The following FAM149B1 variants were observed in gnomAD, a reference collection of about 807,000 sequenced individuals.
The protein encoded by FAM149B1 is primary cilium assembly protein FAM149B1.
Under a neutral mutation model 75.3 loss-of-function variants are expected in FAM149B1, and 56 were observed. The observed-to-expected ratio is 0.74, with a 90% CI of 0.60 to 0.93. The LOEUF (loss-of-function observed/expected upper bound fraction) is 0.93, where lower values mean the gene tolerates loss of function less well. FAM149B1 is among the 40% of genes least tolerant of loss of function. The pLI is 0.00. For synonymous variants in FAM149B1, 259 were observed against 256.1 expected (o/e 1.01, Z -0.11); for missense variants, 639 against 708.4 (o/e 0.90, Z 1.11).
rs544893875 is a variant in FAM149B1, at chr10:73,239,393, G to A, written c.1675+9G>A. On this transcript the variant is annotated intron_variant, in intron 13 of 13. Coordinates refer to ENST00000242505, the MANE Select transcript of FAM149B1 (RefSeq NM_173348.2). ...TGGCAGGGGATCTGCAGGTAAAGGT[G>A]GGGCCATGGCCCTTATTTACTACTG... 7.1e-6 allele frequency: 11 copies of A among 1,550,126 alleles called. No individual in the cohort carries two copies. The African/African-American group carries it at 1.2e-4, about 17-fold the overall frequency.
intron 13 of FAM149B1, among the ~76,000 whole-genome samples, chr10:73,240,575 G>A (rs996836744): frequency 6.6e-6 from 1 of 152,116 alleles, no homozygotes; most frequent in Non-Finnish European, 1.5e-5. Flanking sequence ...AGCCGGGTGT[G>A]GTGGCAGATG....
chr10:73,192,480 T>A (rs1258314715), intron 3 of FAM149B1, 76 bp from the exon 4 acceptor site: 1 of 1,394,768 alleles, frequency 7.2e-7, no homozygotes, highest in Non-Finnish European at 9.7e-7. Flanking sequence ...CAAGTCTTAC[T>A]GCTTTTAATC....
chr10:73,214,867 G>A (rs979172934), intron 7 of FAM149B1, among the ~76,000 whole-genome samples: 16 of 152,152 alleles, frequency 1.1e-4, no homozygotes, highest in Non-Finnish European at 1.5e-4. Context: ...GTTTCAGGAG[G>A]ATTGGTATTA....
In FAM149B1 at chr10:73,198,892, G is replaced by T. The variant is rs574918309; in HGVS notation, c.542+5299G>T. 3.3e-5 allele frequency among the ~76,000 whole-genome samples: 5 copies of T among 152,302 alleles called. No homozygotes were observed. In the East Asian group the frequency reaches 9.6e-4, roughly 29 times the overall value. On this transcript the variant is annotated intron_variant, in intron 5 of 13. Coordinates refer to ENST00000242505, the MANE Select transcript of FAM149B1 (RefSeq NM_173348.2). ...ACAGATATGCAAATGGCCAACAAGT[G>T]CCTGAAAAGATGTTAGGCAGGAAGG...
At chr10:73,240,665 T>C (rs1272303431) in intron 13 of FAM149B1, among the ~76,000 whole-genome samples, 1 of 149,540 alleles carries the variant, frequency 6.7e-6, no homozygotes, top group East Asian at 2.0e-4. Flanking sequence ...TGAGCCGAGA[T>C]CATGCCACTG....
chr10:73,231,084 T>C (rs2133401271), intron 9 of FAM149B1: 1 of 152,856 alleles, frequency 6.5e-6, no homozygotes, highest in African/African-American at 2.4e-5. Context: ...GAAGTGACTA[T>C]GGAACTAATG....
intron 3 of FAM149B1, chr10:73,192,199 C>CT (rs35023018): frequency 0.027 from 3,040 of 113,274 alleles, 302 homozygotes; most frequent in Admixed American, 0.038. Flanking sequence ...CACGCCTGGC[C>CT]TTTTTTTTTT....
At chr10:73,199,027 G>C (rs1454303435) in intron 5 of FAM149B1, among the ~76,000 whole-genome samples, 13 of 152,186 alleles carry the variant, frequency 8.5e-5, no homozygotes, top group Non-Finnish European at 2.9e-5. Flanking sequence ...GGAAGGACTG[G>C]TTCCAAATAT....
intron 3 of FAM149B1, among the ~76,000 whole-genome samples, chr10:73,186,829 C>T (rs1430631110): frequency 6.6e-6 from 1 of 152,126 alleles, no homozygotes; most frequent in Admixed American, 6.5e-5. Context: ...CCCAGAAGAG[C>T]AATTCCATAG....
chr10:73,240,511 G>A (rs188615172), intron 13 of FAM149B1, among the ~76,000 whole-genome samples: 24 of 152,292 alleles, frequency 1.6e-4, no homozygotes, highest in East Asian at 1.2e-3. Context: ...AGCATATTGA[G>A]ACCATCCTGG....
chr10:73,188,749 GGAAGGAGGGAA>G (rs2042597690), intron 3 of FAM149B1, among the ~76,000 whole-genome samples: 1 of 101,504 alleles, frequency 9.9e-6, no homozygotes, highest in Admixed American at 1.1e-4. Context: ...AAAAAAGGAA[GGAAGGAGGGAA>G]GGAAGGAAGG....
intron 10 of FAM149B1, chr10:73,234,185 G>A (rs1439761065): frequency 6.6e-6 from 1 of 152,326 alleles, no homozygotes; most frequent in Non-Finnish European, 1.5e-5. Flanking sequence ...GCATTATTAT[G>A]TGGATGTAGC....
chr10:73,177,552 C>T (rs116371176), intron 2 of FAM149B1, among the ~76,000 whole-genome samples: 387 of 149,960 alleles, frequency 2.6e-3, no homozygotes, highest in African/African-American at 9.0e-3. Flanking sequence ...GTAGCCTGGG[C>T]GACAGCATGA....
In FAM149B1 at chr10:73,171,219, G is replaced by T. The variant is rs1000608063; in HGVS notation, c.47+2833G>T. On this transcript the variant is annotated intron_variant, in intron 1 of 13. Coordinates refer to ENST00000242505, the MANE Select transcript of FAM149B1 (RefSeq NM_173348.2). ...CTCCCAAAGTGCTGGGATTATAGAT[G>T]TGAGCCACCGCGCCTGGCCTACTTG... Among the ~76,000 whole-genome samples the T allele has an allele frequency of 1.3e-5, 2 of 152,296 alleles. 1 individual carries two copies. Among genetic ancestry groups the T allele is most frequent in the South Asian group, 4.1e-4 (2 of 4,830 alleles).
At chr10:73,237,428 T>C (rs1018984694) in intron 12 of FAM149B1, among the ~76,000 whole-genome samples, 2 of 152,290 alleles carry the variant, frequency 1.3e-5, no homozygotes, top group Admixed American at 6.5e-5. Context: ...AAACTTTTTT[T>C]TTTTTTGAGA....
rs1320447846 is a variant in FAM149B1, at chr10:73,242,738, G to C, written c.*1719G>C. On this transcript the variant is annotated 3_prime_UTR_variant, in exon 14 of 14. Coordinates refer to ENST00000242505, the MANE Select transcript of FAM149B1 (RefSeq NM_173348.2). ...TATTATAAAGCTGACCAGGGCTATTGTTTTCCCCTTTTCTCTCATCCTAAA... is the reference window on the plus strand; with the variant it reads ...TATTATAAAGCTGACCAGGGCTATTCTTTTCCCCTTTTCTCTCATCCTAAA... 1.3e-5 allele frequency: 2 copies of C among 152,092 alleles called. No individual in the cohort carries two copies. The highest frequency in any genetic ancestry group is 6.6e-5 in the Admixed American group (1 of 15,264). The allele number at this position is 152,092 out of a possible 1,614,324, so 9.4% of individuals were successfully genotyped here. A position where few individuals can be genotyped will look rare whatever the true frequency, so the allele number is the denominator to read the frequency against.
chr10:73,179,604 A>G (rs910582838), intron 3 of FAM149B1, among the ~76,000 whole-genome samples: 2 of 150,168 alleles, frequency 1.3e-5, no homozygotes, highest in Non-Finnish European at 3.0e-5. Context: ...AAGAGGTAGG[A>G]TCTGGAACTC....
intron 6 of FAM149B1, among the ~76,000 whole-genome samples, chr10:73,209,461 A>G (rs1258859549): frequency 1.3e-5 from 2 of 152,186 alleles, no homozygotes; most frequent in Non-Finnish European, 2.9e-5. Context: ...AAACAAAACA[A>G]AACAAAAAAG....
intron 13 of FAM149B1, 101 bp from the exon 14 acceptor site, chr10:73,240,845 A>C (rs1305386296): frequency 1.4e-6 from 1 of 711,418 alleles, no homozygotes; most frequent in Non-Finnish European, 2.5e-6. Context: ...ACCTTAAGAA[A>C]GTCCAATTCA....
Sources: gnomAD v4.1 joint callset for allele counts (sites outside exome capture counted in the v4.1 genomes callset) on GRCh38, gnomAD v4.1.1 for gene constraint, MANE v1.5 for transcripts, NCBI Gene and HGNC (gene_info 2026-07-23, HGNC 2026-07-21) for gene names.